Variants in ADARB2 observed in about 807,000 individuals in gnomAD.
ADARB2 encodes the protein inactive double-stranded RNA-specific editase B2.
Under a neutral mutation model 62.2 loss-of-function variants are expected in ADARB2, and 25 were observed. The ratio of observed to expected loss-of-function variants is 0.40; its 90% CI spans 0.29 to 0.56. The LOEUF is 0.56. ADARB2 is among the 20% of genes least tolerant of loss of function. The pLI is 0.43. For synonymous variants in ADARB2, 572 were observed against 500.8 expected (o/e 1.14, Z -1.90); for missense variants, 1,071 against 1,077.4 (o/e 0.99, Z 0.08).
rs1313086076 is a variant in ADARB2, at chr10:1,374,528, T to C, written c.187+4546A>G. Among the ~76,000 whole-genome samples the C allele has an allele frequency of 2.0e-5, 3 of 152,198 alleles. No individual in the cohort carries two copies. In the East Asian group the frequency reaches 5.8e-4, roughly 29 times the overall value. ...CTTTCCAAGTGGAAGCTGTTCCGGT[T>C]GTGCAAAGCCGGATGGCCTAGGCTG... On this transcript the variant is annotated intron_variant, in intron 2 of 9. Coordinates refer to ENST00000381312, the MANE Select transcript of ADARB2 (RefSeq NM_018702.4).
intron 4 of ADARB2, among the ~76,000 whole-genome samples, chr10:1,249,724 G>C (rs528925331): frequency 6.6e-6 from 1 of 152,050 alleles, no homozygotes; most frequent in Non-Finnish European, 1.5e-5. Context: ...CCATTGACGA[G>C]CACAACAAGA....
intron 1 of ADARB2, among the ~76,000 whole-genome samples, chr10:1,459,798 AG>A (rs1403175828): frequency 2.6e-5 from 4 of 152,188 alleles, no homozygotes; most frequent in Non-Finnish European, 4.4e-5. Context: ...GGACTCAGAG[AG>A]GGGAACAACA....
intron 7 of ADARB2, among the ~76,000 whole-genome samples, chr10:1,205,997 C>CAGGTGGGGTCACGGGGCAGCCCGA (rs1190910261): frequency 2.0e-5 from 3 of 148,766 alleles, no homozygotes; most frequent in African/African-American, 7.5e-5. Context: ...GGGCAGCCCG[C>CAGGTGGGGTCACGGGGCAGCCCGA]TGGGGTCAGG....
intron 4 of ADARB2, among the ~76,000 whole-genome samples, chr10:1,270,129 C>T (rs1831246492): frequency 6.6e-6 from 1 of 152,186 alleles, no homozygotes; most frequent in Non-Finnish European, 1.5e-5. Flanking sequence ...CCACACCCAG[C>T]AAGATTGGAG....
chr10:1,595,168 T>C (rs913319503), intron 1 of ADARB2, among the ~76,000 whole-genome samples: 4 of 152,166 alleles, frequency 2.6e-5, no homozygotes, highest in African/African-American at 7.2e-5. Flanking sequence ...GCATGGATAA[T>C]CTTTGAGCTG....
chr10:1,505,402 A>C (rs573394392), intron 1 of ADARB2, among the ~76,000 whole-genome samples: 1 of 150,554 alleles, frequency 6.6e-6, no homozygotes. Flanking sequence ...TTTTTGCAAC[A>C]AATAACTCAG....
intron 1 of ADARB2, among the ~76,000 whole-genome samples, chr10:1,591,166 C>T (rs1588314557): frequency 6.6e-6 from 1 of 152,168 alleles, no homozygotes. Context: ...GGAGCCTGGT[C>T]CCCAGGTTAT....
intron 7 of ADARB2, among the ~76,000 whole-genome samples, chr10:1,200,997 C>T (rs988524791): frequency 2.6e-5 from 4 of 152,246 alleles, no homozygotes; most frequent in African/African-American, 9.6e-5. Flanking sequence ...TTACATTTCC[C>T]TTCCCGAAGC....
In ADARB2 at chr10:1,460,751, T is replaced by G. The variant is rs1831162911; in HGVS notation, c.101-81591A>C. Among the ~76,000 whole-genome samples, 2 of 132,100 alleles carry G rather than the reference T, an allele frequency of 1.5e-5. 1 individual carries two copies. The highest frequency in any genetic ancestry group is 4.6e-4 in the South Asian group (2 of 4,366). 86.7% of individuals were successfully genotyped at this position (132,100 alleles called of 152,430 possible). ...AGCAAACCTGCCTGTGACCTGAGTT[T>G]ACCTGCGTAACAAACCTGCCTGTGA... On this transcript the variant is annotated intron_variant, in intron 1 of 9. Transcript: ENST00000381312.
intron 2 of ADARB2, among the ~76,000 whole-genome samples, chr10:1,375,758 A>ATGCACACACGCACACATG (rs1832417578): frequency 6.6e-6 from 1 of 152,098 alleles, no homozygotes; most frequent in African/African-American, 2.4e-5. Flanking sequence ...CGCCACACAC[A>ATGCACACACGCACACATG]TGCACACACG....
intron 3 of ADARB2, among the ~76,000 whole-genome samples, chr10:1,340,901 A>G (rs1350527370): frequency 6.6e-6 from 1 of 151,928 alleles, no homozygotes; most frequent in Non-Finnish European, 1.5e-5. Flanking sequence ...CAGCGGCAAT[A>G]ACCAGCATCC....
intron 1 of ADARB2, among the ~76,000 whole-genome samples, chr10:1,598,224 G>A (rs528413497): frequency 6.6e-6 from 1 of 152,066 alleles, no homozygotes; most frequent in African/African-American, 2.4e-5. Context: ...TGGGTGCCCT[G>A]CTCACAATTC....
Position 1,680,489 on chromosome 10 carries a change from C to T in ADARB2, c.100+56562G>A, listed in dbSNP as rs149519821. ...GGTCCCCATCACCTGCCAGGACTCC[C>T]GGGCCATGCACTTCCCACAGGCTGC... is the stretch of plus-strand genomic sequence containing the variant. On this transcript the variant is annotated intron_variant, in intron 1 of 9. Transcript: ENST00000381312. Among the ~76,000 whole-genome samples, 138 of 152,250 alleles carry T rather than the reference C, an allele frequency of 9.1e-4. 1 individual carries two copies. The highest frequency in any genetic ancestry group is 3.4e-3 in the Middle Eastern group (1 of 294).
At chr10:1,411,694 C>G (rs1832761137) in intron 1 of ADARB2, among the ~76,000 whole-genome samples, 1 of 152,124 alleles carries the variant, frequency 6.6e-6, no homozygotes, top group Non-Finnish European at 1.5e-5. Flanking sequence ...GGTGTGAGCT[C>G]CGCCGGCAAG....
intron 1 of ADARB2, among the ~76,000 whole-genome samples, chr10:1,407,761 A>T (rs1403266015): frequency 1.3e-5 from 2 of 152,098 alleles, no homozygotes; most frequent in Non-Finnish European, 2.9e-5. Context: ...CACCTCCAGG[A>T]TGGAAGATTC....
intron 3 of ADARB2, among the ~76,000 whole-genome samples, chr10:1,353,924 T>C (rs1015256800): frequency 5.3e-5 from 8 of 152,336 alleles, no homozygotes; most frequent in African/African-American, 1.9e-4. Context: ...TCTTCTTGTT[T>C]ACTTATACAC....
At chr10:1,279,136 G>T (rs76177156) in intron 3 of ADARB2, among the ~76,000 whole-genome samples, 1 of 152,130 alleles carries the variant, frequency 6.6e-6, no homozygotes, top group South Asian at 2.1e-4. Context: ...GGAAATTAAC[G>T]TTCTTAATGG....
At chr10:1,284,885 T>TCTTCAA (rs1178054321) in intron 3 of ADARB2, among the ~76,000 whole-genome samples, 40 of 152,260 alleles carry the variant, frequency 2.6e-4, no homozygotes, top group African/African-American at 9.1e-4. Context: ...CCTCATGGTC[T>TCTTCAA]GGCCCACCTT....
At chr10:1,494,960 A>T (rs1321063768) in intron 1 of ADARB2, among the ~76,000 whole-genome samples, 1 of 152,114 alleles carries the variant, frequency 6.6e-6, no homozygotes, top group Non-Finnish European at 1.5e-5. Context: ...AGATTTAAAG[A>T]TTTTTCTAGG....
Sources: allele counts gnomAD v4.1 joint callset (sites outside exome capture counted in the v4.1 genomes callset), GRCh38; gene constraint gnomAD v4.1.1; transcripts MANE v1.5; gene names NCBI Gene and HGNC (gene_info 2026-07-23, HGNC 2026-07-21).